The following GPC5 variants were observed in gnomAD, a reference collection of about 807,000 sequenced individuals.
The protein encoded by GPC5 is glypican-5.
A neutral mutation model predicts 53.9 loss-of-function variants in GPC5; 47 were observed. That is an observed-to-expected ratio of 0.87 (90% CI 0.69 to 1.11). The LOEUF (loss-of-function observed/expected upper bound fraction) is 1.11. GPC5 is among the 50% of genes most tolerant of loss of function. GPC5 has a pLI of 0.00. For missense variants in GPC5, 748 were observed against 713.1 expected (o/e 1.05, Z -0.56); for synonymous variants, 286 against 263.3 (o/e 1.09, Z -0.84).
intron 5 of GPC5, among the ~76,000 whole-genome samples, chr13:91,838,372 A>G (rs765848931): frequency 5.3e-5 from 8 of 152,096 alleles, no homozygotes; most frequent in Non-Finnish European, 1.0e-4. Flanking sequence ...TGCCATACTG[A>G]TTATTCAATA....
At chr13:92,360,740 G>A (rs1489975634) in intron 7 of GPC5, among the ~76,000 whole-genome samples, 1 of 151,714 alleles carries the variant, frequency 6.6e-6, no homozygotes, top group Admixed American at 6.6e-5. Flanking sequence ...CATAGTCTTA[G>A]CCCAAAAGTT....
intron 2 of GPC5, among the ~76,000 whole-genome samples, chr13:91,615,071 C>T (rs1262364185): frequency 6.6e-6 from 1 of 151,890 alleles, no homozygotes; most frequent in African/African-American, 2.4e-5. Context: ...ATTGACCCAA[C>T]ATGATTTACA....
At chr13:92,445,191 C>T (rs2139391186) in intron 7 of GPC5, among the ~76,000 whole-genome samples, 1 of 139,154 alleles carries the variant, frequency 7.2e-6, no homozygotes, top group East Asian at 2.0e-4. Context: ...TTTCCTTGCT[C>T]CTTTCCCCTC....
intron 7 of GPC5, among the ~76,000 whole-genome samples, chr13:92,456,444 C>T (rs1161328588): frequency 6.6e-6 from 1 of 152,192 alleles, no homozygotes; most frequent in Non-Finnish European, 1.5e-5. Context: ...TACTTCCTTT[C>T]CTTCAGCACC....
chr13:92,101,204 A>C (rs186386134), intron 6 of GPC5, among the ~76,000 whole-genome samples: 302 of 151,986 alleles, frequency 2.0e-3, no homozygotes, highest in Admixed American at 3.5e-3. Flanking sequence ...ATTCCCTCTT[A>C]TTTTTCTTTT....
intron 4 of GPC5, among the ~76,000 whole-genome samples, chr13:91,736,568 C>A (rs1464072312): frequency 6.6e-6 from 1 of 150,830 alleles, no homozygotes; most frequent in African/African-American, 2.5e-5. Context: ...GGATTTCCTA[C>A]TATAACCCAT....
At chr13:91,898,956 A>G (rs1012870522) in intron 5 of GPC5, among the ~76,000 whole-genome samples, 2 of 152,196 alleles carry the variant, frequency 1.3e-5, no homozygotes, top group Non-Finnish European at 2.9e-5. Context: ...TTGGACAACT[A>G]AGCTAAGCCT....
chr13:92,163,171 A>C (rs2042002582), intron 7 of GPC5, among the ~76,000 whole-genome samples: 1 of 152,016 alleles, frequency 6.6e-6, no homozygotes, highest in African/African-American at 2.4e-5. Context: ...ATAAGAATAA[A>C]TTTGATGGGG....
intron 7 of GPC5, among the ~76,000 whole-genome samples, chr13:92,423,276 G>C (rs2149064): frequency 0.28 from 42,553 of 152,096 alleles, 6,846 homozygotes; most frequent in East Asian, 0.61. Flanking sequence ...TCAGTCCATT[G>C]CAACACTTAC....
intron 2 of GPC5, among the ~76,000 whole-genome samples, chr13:91,667,851 G>A (rs2035153736): frequency 6.6e-6 from 1 of 152,146 alleles, no homozygotes; most frequent in Non-Finnish European, 1.5e-5. Context: ...GATGCCTAGA[G>A]AACTAGGCAA....
At chr13:92,385,313 T>TATATATAC (rs1302611286) in intron 7 of GPC5, among the ~76,000 whole-genome samples, 33 of 140,080 alleles carry the variant, frequency 2.4e-4, no homozygotes, top group East Asian at 1.9e-3. Context: ...GCACTTCCTA[T>TATATATAC]ATATATACAT....
intron 6 of GPC5, among the ~76,000 whole-genome samples, chr13:92,048,313 A>G (rs1392211937): frequency 6.6e-6 from 1 of 151,906 alleles, no homozygotes; most frequent in African/African-American, 2.4e-5. Context: ...TATATTACAT[A>G]TATTTTATTA....
chr13:91,687,626 C>T (rs924233627), intron 2 of GPC5, among the ~76,000 whole-genome samples: 3 of 151,872 alleles, frequency 2.0e-5, no homozygotes, highest in African/African-American at 4.8e-5. Flanking sequence ...GCCTTTAATT[C>T]GATCTACCAC....
intron 2 of GPC5, among the ~76,000 whole-genome samples, chr13:91,621,955 C>T (rs1336585437): frequency 6.6e-6 from 1 of 151,824 alleles, no homozygotes; most frequent in South Asian, 2.1e-4. Context: ...TGAGAGCCCC[C>T]TCGAAAATCA....
chr13:92,200,159 T>C (rs928404223), intron 7 of GPC5, among the ~76,000 whole-genome samples: 4 of 149,344 alleles, frequency 2.7e-5, no homozygotes, highest in East Asian at 4.0e-4. Context: ...CTTTCTTTTA[T>C]ATTTCCCTTT....
intron 7 of GPC5, among the ~76,000 whole-genome samples, chr13:92,182,996 C>T (rs1388057495): frequency 6.6e-6 from 1 of 152,016 alleles, no homozygotes; most frequent in Non-Finnish European, 1.5e-5. Context: ...AGGTTCATAA[C>T]GTGGCTCTAA....
intron 7 of GPC5, among the ~76,000 whole-genome samples, chr13:92,761,528 G>A (rs1389502939): frequency 2.0e-5 from 3 of 152,174 alleles, no homozygotes; most frequent in East Asian, 1.9e-4. Context: ...TTTGATATAA[G>A]TAGAGTCATC....
chr13:92,119,496 T>C (rs1594770685), intron 6 of GPC5, among the ~76,000 whole-genome samples: 1 of 134,144 alleles, frequency 7.5e-6, no homozygotes, highest in South Asian at 2.4e-4. Context: ...CCCCCCGGGG[T>C]TCACACCATT....
rs542136887 is a variant in GPC5 at position 91,459,055 on chromosome 13, G to A, written c.325+10133G>A. On this transcript the variant is annotated intron_variant, in intron 2 of 7. Coordinates refer to ENST00000377067, the MANE Select transcript of GPC5 (RefSeq NM_004466.6). Reference sequence around the variant, plus strand: ...ATGATACAATGGACTTTGGGGACTCGTGAGGAAGGGTGGGAGGGGGGTGAG... The same window carrying A: ...ATGATACAATGGACTTTGGGGACTCATGAGGAAGGGTGGGAGGGGGGTGAG... 3.1e-4 allele frequency among the ~76,000 whole-genome samples: 47 copies of A among 152,056 alleles called. 1 individual carries two copies. Among genetic ancestry groups the A allele is most frequent in the African/African-American group, 1.0e-3 (43 of 41,514 alleles).
Sources: allele counts gnomAD v4.1 joint callset (sites outside exome capture counted in the v4.1 genomes callset), GRCh38; gene constraint gnomAD v4.1.1; transcripts MANE v1.5; gene names NCBI Gene and HGNC (gene_info 2026-07-23, HGNC 2026-07-21).